The following SLC4A8 variants were observed in gnomAD, a reference collection of about 807,000 sequenced individuals.
SLC4A8 encodes solute carrier family 4 member 8, also known as electroneutral sodium bicarbonate exchanger 1.
A neutral mutation model predicts 125.0 loss-of-function variants in SLC4A8; 40 were observed. That is an observed-to-expected ratio of 0.32 (90% CI 0.25 to 0.42). The LOEUF (loss-of-function observed/expected upper bound fraction) is 0.42. SLC4A8 is among the 10% of genes least tolerant of loss of function. The pLI, the probability that SLC4A8 is intolerant of heterozygous loss-of-function variation, is 1.00. For synonymous variants in SLC4A8, 456 were observed against 476.0 expected (o/e 0.96, Z 0.55); for missense variants, 863 against 1,355.1 (o/e 0.64, Z 5.70).
intron 1 of SLC4A8, among the ~76,000 whole-genome samples, chr12:51,437,675 A>G (rs1166693859): frequency 6.6e-6 from 1 of 152,208 alleles, no homozygotes; most frequent in Non-Finnish European, 1.5e-5. Context: ...TTTCTTAATA[A>G]ATTACCCAGT....
intron 1 of SLC4A8, among the ~76,000 whole-genome samples, chr12:51,400,879 C>A (rs1229743799): frequency 7.2e-6 from 1 of 139,706 alleles, no homozygotes; most frequent in African/African-American, 2.7e-5. Flanking sequence ...TATGTATATA[C>A]ATATATATAT....
In SLC4A8 at chr12:51,424,849, AGGC is replaced by A; in HGVS notation, c.-130_-128del. On this transcript the variant is annotated 5_prime_UTR_variant, in exon 1 of 25. Coordinates refer to ENST00000453097, the MANE Select transcript of SLC4A8 (RefSeq NM_001039960.3). Reference sequence around the variant, plus strand: ...ATGCCTCGCGGGCCGGTGGCTATGGAGGCGGCGGCGGTTGATGGTTGACCGTTG... The same window carrying A: ...ATGCCTCGCGGGCCGGTGGCTATGGAGGCGGCGGTTGATGGTTGACCGTTG... 6 of 869,300 alleles carry A rather than the reference AGGC, an allele frequency of 6.9e-6. No individual in the cohort carries two copies. The highest frequency in any genetic ancestry group is 1.7e-5 in the African/African-American group (1 of 57,186). 53.8% of individuals were successfully genotyped at this position (869,300 alleles called of 1,614,324 possible).
At chr12:51,505,768 C>G (rs752423496) in intron 23 of SLC4A8, 67 bp from the exon 24 acceptor site, 9 of 699,852 alleles carry the variant, frequency 1.3e-5, no homozygotes, top group Non-Finnish European at 2.2e-5. Flanking sequence ...GGACAGTGAT[C>G]ATTATAGACT....
chr12:51,410,776 G>C (rs904588410), intron 1 of SLC4A8, among the ~76,000 whole-genome samples: 1 of 151,666 alleles, frequency 6.6e-6, no homozygotes, highest in Non-Finnish European at 1.5e-5. Context: ...TTTTTAATTA[G>C]AGGGGATTTC....
intron 14 of SLC4A8, among the ~76,000 whole-genome samples, chr12:51,473,920 C>A (rs1368280107): frequency 6.6e-6 from 1 of 152,174 alleles, no homozygotes; most frequent in South Asian, 2.1e-4. Flanking sequence ...ATAAGATATT[C>A]AGGCTTGGAA....
At chr12:51,478,931 T>A (rs1950937823) in intron 16 of SLC4A8, among the ~76,000 whole-genome samples, 1 of 36,184 alleles carries the variant, frequency 2.8e-5, no homozygotes, top group Non-Finnish European at 6.2e-5. Context: ...GTCCCTCATC[T>A]TCCCTGTGCC....
chr12:51,425,282 C>T, intron 1 of SLC4A8: 1 of 1,301,464 alleles, frequency 7.7e-7, no homozygotes, highest in South Asian at 2.2e-5. Flanking sequence ...GCGCCGCCCG[C>T]CCAGGAGCCC....
intron 16 of SLC4A8, among the ~76,000 whole-genome samples, chr12:51,484,531 T>G (rs1951114501): frequency 6.6e-6 from 1 of 152,014 alleles, no homozygotes; most frequent in African/African-American, 2.4e-5. Flanking sequence ...CTCAGAGAAT[T>G]TATATTGCAT....
At chr12:51,432,634 A>G (rs892941318) in intron 1 of SLC4A8, among the ~76,000 whole-genome samples, 11 of 151,900 alleles carry the variant, frequency 7.2e-5, no homozygotes, top group Non-Finnish European at 1.0e-4. Context: ...GAAGCAGGAC[A>G]ATTGTTTGAA....
At chr12:51,499,011 C>G (rs890508972) in intron 22 of SLC4A8, among the ~76,000 whole-genome samples, 1 of 147,596 alleles carries the variant, frequency 6.8e-6, no homozygotes, top group African/African-American at 2.5e-5. Context: ...AAAACCCTGT[C>G]TTTACTAAAA....
intron 16 of SLC4A8, among the ~76,000 whole-genome samples, chr12:51,481,031 G>A (rs955117350): frequency 6.6e-6 from 1 of 152,156 alleles, no homozygotes; most frequent in Non-Finnish European, 1.5e-5. Context: ...TCTTTAAAAC[G>A]AATGGGTTAA....
chr12:51,399,476 T>TA (rs1592136662), intron 1 of SLC4A8, among the ~76,000 whole-genome samples: 1 of 151,526 alleles, frequency 6.6e-6, no homozygotes, highest in East Asian at 1.9e-4. Flanking sequence ...ATTTTTTTTT[T>TA]ATTACATTGC....
At chr12:51,407,135 G>A (rs574655885) in intron 1 of SLC4A8, among the ~76,000 whole-genome samples, 1 of 152,172 alleles carries the variant, frequency 6.6e-6, no homozygotes, top group African/African-American at 2.4e-5. Flanking sequence ...GCTGTGTCCC[G>A]GCATGGAGGG....
Position 51,455,358 on chromosome 12 carries a change from A to G in SLC4A8, c.574+1659A>G, listed in dbSNP as rs934165318. Among the ~76,000 whole-genome samples the G allele has an allele frequency of 6.6e-5, 10 of 152,150 alleles. 1 individual carries two copies. Among genetic ancestry groups the G allele is most frequent in the African/African-American group, 2.4e-4 (10 of 41,436 alleles). On this transcript the variant is annotated intron_variant, in intron 5 of 24. Transcript: ENST00000453097. ...TGGGGGAAATAGCCATGGAAATAAC[A>G]ATTAAAAAAAGTGCAACGACAGAGA...
rs1181077234 is a variant in SLC4A8, at chr12:51,509,085, C to T, written c.*1647C>T. 1.3e-5 allele frequency: 2 copies of T among 152,610 alleles called. No individual in the cohort carries two copies. The highest frequency in any genetic ancestry group is 2.9e-5 in the Non-Finnish European group (2 of 68,040). The allele number at this position is 152,610 out of a possible 1,614,324, so 9.5% of individuals were successfully genotyped here. A position where few individuals can be genotyped will look rare whatever the true frequency, so the allele number is the denominator to read the frequency against. ...CAACTGGTACAGGACAGATGCCAGC[C>T]ACTCAGAAGGGATGCCTGCTGTAAA... On this transcript the variant is annotated 3_prime_UTR_variant, in exon 25 of 25. Transcript: ENST00000453097.
intron 16 of SLC4A8, among the ~76,000 whole-genome samples, chr12:51,477,189 C>A (rs1209237150): frequency 6.6e-6 from 1 of 152,010 alleles, no homozygotes; most frequent in Non-Finnish European, 1.5e-5. Context: ...TAGGGGTGAG[C>A]CACCATGCCC....
chr12:51,392,216 C>G (rs1948134769), intron 1 of SLC4A8: 2 of 152,332 alleles, frequency 1.3e-5, no homozygotes, highest in Non-Finnish European at 2.9e-5. Flanking sequence ...GCTCACACAG[C>G]AGAGGGTGTT....
Position 51,509,021 on chromosome 12 carries a change from A to G in SLC4A8, c.*1583A>G, listed in dbSNP as rs965195215. On this transcript the variant is annotated 3_prime_UTR_variant, in exon 25 of 25. Transcript: ENST00000453097. ...CATATTCCCTATCTCATAGGGCCACAATTATTTTAATACAGAGATGATTTT... is the reference window on the plus strand; with the variant it reads ...CATATTCCCTATCTCATAGGGCCACGATTATTTTAATACAGAGATGATTTT... The G allele has an allele frequency of 1.3e-5, 2 of 152,660 alleles. No individual in the cohort carries two copies. Among genetic ancestry groups the G allele is most frequent in the African/African-American group, 2.4e-5 (1 of 41,444 alleles). The allele number at this position is 152,660 out of a possible 1,614,324, so 9.5% of individuals were successfully genotyped here. A position where few individuals can be genotyped will look rare whatever the true frequency, so the allele number is the denominator to read the frequency against.
chr12:51,440,605 G>T (rs1949564044), intron 1 of SLC4A8, 103 bp from the exon 2 acceptor site: 2 of 789,190 alleles, frequency 2.5e-6, no homozygotes, highest in African/African-American at 3.6e-5. Flanking sequence ...GTAAACAATT[G>T]TGTTTCCCCC....
Sources: gnomAD v4.1 joint callset for allele counts (sites outside exome capture counted in the v4.1 genomes callset) on GRCh38, gnomAD v4.1.1 for gene constraint, MANE v1.5 for transcripts, NCBI Gene and HGNC (gene_info 2026-07-23, HGNC 2026-07-21) for gene names.